Variants in CNTN1 observed in about 807,000 individuals in gnomAD.
CNTN1 encodes the protein contactin 1, also known as contactin-1.
A neutral mutation model predicts 126.4 loss-of-function variants in CNTN1; 38 were observed. The ratio of observed to expected loss-of-function variants is 0.30; its 90% CI spans 0.23 to 0.39. The LOEUF (loss-of-function observed/expected upper bound fraction) is 0.39. CNTN1 is among the 10% of genes least tolerant of loss of function. CNTN1 has a pLI of 1.00. For synonymous variants in CNTN1, 413 were observed against 422.6 expected (o/e 0.98, Z 0.28); for missense variants, 1,009 against 1,248.4 (o/e 0.81, Z 2.89).
chr12:40,830,864 T>A (rs1201807600), intron 1 of CNTN1, among the ~76,000 whole-genome samples: 1 of 130,756 alleles, frequency 7.6e-6, no homozygotes, highest in African/African-American at 2.8e-5. Context: ...AACTATCTAG[T>A]TTTCTACTTA....
intron 1 of CNTN1, among the ~76,000 whole-genome samples, chr12:40,809,449 C>T (rs1345410376): frequency 6.6e-6 from 1 of 152,080 alleles, no homozygotes; most frequent in Non-Finnish European, 1.5e-5. Flanking sequence ...GGAACTTATA[C>T]AAAATCATCT....
intron 17 of CNTN1, among the ~76,000 whole-genome samples, chr12:41,001,738 AG>A (rs1455900544): frequency 6.6e-6 from 1 of 152,122 alleles, no homozygotes; most frequent in African/African-American, 2.4e-5. Flanking sequence ...GTTGTCCTCC[AG>A]GGTTTTTATA....
intron 23 of CNTN1, among the ~76,000 whole-genome samples, chr12:41,057,163 AAGATATTTATATTATAAATATTT>A (rs1222144058): frequency 0.05 from 7,066 of 141,620 alleles, 305 homozygotes; most frequent in African/African-American, 0.11. Flanking sequence ...TATAAATATT[AAGATATTTATATTATAAATATTT>A]AGATATTTAT....
chr12:40,975,412 G>C (rs575964993), intron 15 of CNTN1, among the ~76,000 whole-genome samples: 1 of 151,822 alleles, frequency 6.6e-6, no homozygotes, highest in Admixed American at 6.6e-5. Flanking sequence ...CATTCAGGCC[G>C]TTTCCCCAGT....
intron 1 of CNTN1, among the ~76,000 whole-genome samples, chr12:40,806,289 G>A (rs1940852113): frequency 6.6e-6 from 1 of 152,098 alleles, no homozygotes; most frequent in African/African-American, 2.4e-5. Context: ...TCCTTTAGCA[G>A]TAAGAGATTT....
intron 23 of CNTN1, among the ~76,000 whole-genome samples, chr12:41,056,914 T>A (rs1354400926): frequency 1.4e-5 from 1 of 73,496 alleles, no homozygotes; most frequent in African/African-American, 6.7e-5. Context: ...TTATAAATAT[T>A]TATAATATTT....
At chr12:40,950,143 T>C (rs1444506764) in intron 14 of CNTN1, among the ~76,000 whole-genome samples, 1 of 138,720 alleles carries the variant, frequency 7.2e-6, no homozygotes, top group African/African-American at 2.7e-5. Context: ...TGTGTGTGTG[T>C]ATTGCATCTA....
At chr12:40,734,708 C>T (rs1028794779) in intron 1 of CNTN1, among the ~76,000 whole-genome samples, 13 of 152,066 alleles carry the variant, frequency 8.5e-5, no homozygotes, top group African/African-American at 3.1e-4. Flanking sequence ...ATTCTATTAT[C>T]ATTACAATTT....
intron 1 of CNTN1, among the ~76,000 whole-genome samples, chr12:40,767,454 G>A (rs539660661): frequency 1.0e-4 from 15 of 149,984 alleles, no homozygotes; most frequent in South Asian, 6.3e-4. Flanking sequence ...GACTACAGGC[G>A]TGCACCACCT....
intron 1 of CNTN1, among the ~76,000 whole-genome samples, chr12:40,777,828 A>G (rs1939647257): frequency 6.6e-6 from 1 of 151,740 alleles, no homozygotes; most frequent in South Asian, 2.1e-4. Context: ...TTCATCACCT[A>G]TGGCATGATT....
intron 1 of CNTN1, among the ~76,000 whole-genome samples, chr12:40,759,641 A>AT (rs978928310): frequency 2.5e-4 from 38 of 151,014 alleles, no homozygotes; most frequent in Admixed American, 1.1e-3. Flanking sequence ...AATTTTCTGT[A>AT]TTTTTTTTGT....
intron 1 of CNTN1, among the ~76,000 whole-genome samples, chr12:40,827,289 A>C (rs1941645435): frequency 6.6e-6 from 1 of 152,112 alleles, no homozygotes. Context: ...CTTATGTTCC[A>C]AAATAATTAA....
intron 1 of CNTN1, among the ~76,000 whole-genome samples, chr12:40,698,745 T>A (rs963189173): frequency 6.6e-6 from 1 of 152,156 alleles, no homozygotes; most frequent in Admixed American, 6.6e-5. Flanking sequence ...CCTTTTTTTG[T>A]ATTAGTAAGA....
At chr12:40,706,030 T>C (rs10784797) in intron 1 of CNTN1, among the ~76,000 whole-genome samples, 92,467 of 151,686 alleles carry the variant, frequency 0.61, 29,009 homozygotes, top group East Asian at 0.84. Flanking sequence ...ACCTCCAACA[T>C]TGGGTATTAA....
intron 15 of CNTN1, among the ~76,000 whole-genome samples, chr12:40,963,707 G>A (rs984798973): frequency 1.3e-5 from 2 of 151,978 alleles, no homozygotes; most frequent in African/African-American, 4.8e-5. Context: ...TACATTAAGA[G>A]TATTGATACA....
chr12:40,737,942 T>A (rs547217034), intron 1 of CNTN1, among the ~76,000 whole-genome samples: 1 of 152,128 alleles, frequency 6.6e-6, no homozygotes, highest in East Asian at 1.9e-4. Flanking sequence ...CTAATATGGT[T>A]CTGTATTGAG....
chr12:40,918,960 A>T (rs1272079380), intron 4 of CNTN1, among the ~76,000 whole-genome samples, 189 bp downstream of exon 4: 3 of 152,204 alleles, frequency 2.0e-5, no homozygotes, highest in African/African-American at 7.2e-5. Flanking sequence ...AAATATATGC[A>T]AATAATTCTC....
chr12:40,918,692 A>G lies in CNTN1; in HGVS notation c.148A>G (p.Thr50Ala). 1 of 1,613,406 alleles carries G rather than the reference A, an allele frequency of 6.2e-7. No individual in the cohort carries two copies. Among genetic ancestry groups the G allele is most frequent in the South Asian group, 1.1e-5 (1 of 91,074 alleles). The change falls in exon 4 of 24, where the codon ACC becomes GCC. Residue 50 changes from threonine (T) to alanine (A), a missense_variant. Thr to Ala is a moderately conservative substitution (Grantham distance 58). Coordinates refer to ENST00000551295, the MANE Select transcript of CNTN1 (RefSeq NM_001843.4). ...AATTTTTGAAGAGCAGCCAATCAAT[A>G]CCATTTATCCAGAGGAATCACTGGA... ...GPIFEEQPIN[T>A]IYPEESLEGK... is the part of the protein sequence containing the mutation.
chr12:40,935,608 C>T (rs1946053211), intron 9 of CNTN1, among the ~76,000 whole-genome samples: 1 of 151,988 alleles, frequency 6.6e-6, no homozygotes, highest in South Asian at 2.1e-4. Flanking sequence ...GAGGCCAAGA[C>T]AGGAAGGGTG....
Sources: gnomAD v4.1 joint callset for allele counts (sites outside exome capture counted in the v4.1 genomes callset) on GRCh38, gnomAD v4.1.1 for gene constraint, MANE v1.5 for transcripts, NCBI Gene and HGNC (gene_info 2026-07-23, HGNC 2026-07-21) for gene names.